The following FHIT variants were observed in gnomAD, a reference collection of about 807,000 sequenced individuals.
The protein encoded by FHIT is fragile histidine triad diadenosine triphosphatase, also known as bis(5'-adenosyl)-triphosphatase.
In FHIT, 19 loss-of-function variants were observed where a neutral mutation model predicts 17.9. The ratio of observed to expected loss-of-function variants is 1.06; its 90% CI spans 0.74 to 1.56. The LOEUF is 1.56. Among genes scored for constraint, FHIT ranks in the 40% most tolerant of loss-of-function variants. The pLI, the probability that FHIT is intolerant of heterozygous loss-of-function variation, is 0.00. For missense variants in FHIT, 248 were observed against 189.2 expected (o/e 1.31, Z -1.82); for synonymous variants, 81 against 69.7 (o/e 1.16, Z -0.81).
chr3:60,062,976 C>A (rs973151331), intron 5 of FHIT, among the ~76,000 whole-genome samples: 9 of 152,062 alleles, frequency 5.9e-5, no homozygotes, highest in Non-Finnish European at 1.3e-4. Flanking sequence ...AACTGAGGAG[C>A]AAGAAATGTT....
chr3:61,019,543 T>C (rs1159885636), intron 3 of FHIT, among the ~76,000 whole-genome samples: 1 of 152,208 alleles, frequency 6.6e-6, no homozygotes, highest in Non-Finnish European at 1.5e-5. Context: ...ACAGAGAAAA[T>C]GCTGTTTTAG....
chr3:60,521,099 T>C (rs1257092728), intron 5 of FHIT, among the ~76,000 whole-genome samples: 4 of 152,156 alleles, frequency 2.6e-5, no homozygotes, highest in Non-Finnish European at 5.9e-5. Context: ...TGCTATGTGA[T>C]GTTCACATAG....
intron 7 of FHIT, among the ~76,000 whole-genome samples, chr3:59,955,852 C>T (rs62240084): frequency 0.093 from 14,106 of 152,222 alleles, 895 homozygotes; most frequent in South Asian, 0.15. Flanking sequence ...ATCTGAATGA[C>T]GGCAATCACC....
At chr3:59,779,580 A>G (rs999832908) in intron 8 of FHIT, among the ~76,000 whole-genome samples, 1 of 152,154 alleles carries the variant, frequency 6.6e-6, no homozygotes, top group Non-Finnish European at 1.5e-5. Flanking sequence ...CATTTTTTCA[A>G]AACACCAGTT....
Position 59,889,911 on chromosome 3 carries a change from A to G in FHIT, c.348+32435T>C, listed in dbSNP as rs562321172. Among the ~76,000 whole-genome samples, 14 of 152,336 alleles carry G rather than the reference A, an allele frequency of 9.2e-5. No homozygotes were observed. In the East Asian group the frequency reaches 1.7e-3, roughly 19 times the overall value. Reference sequence around the variant, plus strand: ...CTTTTCTTTTGCGAATGATATTGTAATGAATTTTCTTCAGAGGACTTATTA... The same window carrying G: ...CTTTTCTTTTGCGAATGATATTGTAGTGAATTTTCTTCAGAGGACTTATTA... On this transcript the variant is annotated intron_variant, in intron 8 of 9. Transcript: ENST00000492590.
At chr3:60,360,708 A>C (rs575186503) in intron 5 of FHIT, among the ~76,000 whole-genome samples, 1 of 152,300 alleles carries the variant, frequency 6.6e-6, no homozygotes, top group South Asian at 2.1e-4. Context: ...ATTCAAAATC[A>C]ATATGGCCAA....
At chr3:59,900,572 C>T (rs1704281081) in intron 8 of FHIT, among the ~76,000 whole-genome samples, 1 of 152,150 alleles carries the variant, frequency 6.6e-6, no homozygotes, top group Non-Finnish European at 1.5e-5. Context: ...ATGTGTATAT[C>T]CCAAGACGGG....
At chr3:59,883,355 T>C (rs892718124) in intron 8 of FHIT, among the ~76,000 whole-genome samples, 1 of 152,210 alleles carries the variant, frequency 6.6e-6, no homozygotes, top group African/African-American at 2.4e-5. Flanking sequence ...AGAGATTTAA[T>C]GGACTTACAG....
intron 2 of FHIT, among the ~76,000 whole-genome samples, chr3:61,096,127 C>A (rs2035630540): frequency 6.6e-6 from 1 of 152,212 alleles, no homozygotes; most frequent in South Asian, 2.1e-4. Context: ...ACCCTCAGGG[C>A]TTTAAATCTT....
At chr3:59,902,470 A>G (rs1312031062) in intron 8 of FHIT, among the ~76,000 whole-genome samples, 2 of 152,114 alleles carry the variant, frequency 1.3e-5, no homozygotes, top group African/African-American at 4.8e-5. Flanking sequence ...GAAATCCCCC[A>G]TCCAAAAGAG....
At chr3:60,943,012 TAAAG>T (rs1423863141) in intron 3 of FHIT, among the ~76,000 whole-genome samples, 3 of 152,176 alleles carry the variant, frequency 2.0e-5, no homozygotes, top group Non-Finnish European at 4.4e-5. Context: ...TCCTCTGAAA[TAAAG>T]AATTAGTAAA....
intron 4 of FHIT, among the ~76,000 whole-genome samples, chr3:60,564,969 A>T (rs1044334750): frequency 6.6e-6 from 1 of 152,204 alleles, no homozygotes; most frequent in Admixed American, 6.6e-5. Context: ...CATTAAAGGA[A>T]GAATCAATCA....
At chr3:60,562,601 G>C (rs368030179) in intron 4 of FHIT, among the ~76,000 whole-genome samples, 5 of 152,230 alleles carry the variant, frequency 3.3e-5, no homozygotes, top group South Asian at 2.1e-4. Flanking sequence ...ATACCAGCCA[G>C]CACCTTAATA....
chr3:60,432,917 CT>C (rs5849363), intron 5 of FHIT, among the ~76,000 whole-genome samples: 43,219 of 148,770 alleles, frequency 0.29, 6,752 homozygotes, highest in South Asian at 0.5. Context: ...GAAGAATTGT[CT>C]TTTTTTTTTT....
chr3:60,680,578 A>G (rs2040723666), intron 4 of FHIT, among the ~76,000 whole-genome samples: 4 of 139,476 alleles, frequency 2.9e-5, no homozygotes, highest in Non-Finnish European at 4.6e-5. Context: ...TTTTTTGCCA[A>G]TGTTCATGTA....
intron 4 of FHIT, among the ~76,000 whole-genome samples, chr3:60,578,636 A>C (rs2037653161): frequency 6.6e-6 from 1 of 152,202 alleles, no homozygotes; most frequent in South Asian, 2.1e-4. Flanking sequence ...TGAGGAGGAC[A>C]TTTAAAGAAT....
intron 7 of FHIT, among the ~76,000 whole-genome samples, chr3:59,936,911 A>C (rs1440324093): frequency 1.3e-5 from 2 of 152,192 alleles, no homozygotes; most frequent in Non-Finnish European, 2.9e-5. Context: ...GCTTGTGCTA[A>C]TTCTCTTTCC....
chr3:60,255,405 G>T (rs1328112577), intron 5 of FHIT, among the ~76,000 whole-genome samples: 1 of 152,088 alleles, frequency 6.6e-6, no homozygotes, highest in Admixed American at 6.5e-5. Context: ...ATGTCTTTAG[G>T]GGCCTGGCAG....
intron 5 of FHIT, among the ~76,000 whole-genome samples, chr3:60,470,400 G>A (rs780237763): frequency 5.9e-5 from 9 of 151,964 alleles, no homozygotes; most frequent in Non-Finnish European, 1.2e-4. Flanking sequence ...CTATTCTACC[G>A]CAGCTAAGCT....
Sources: gnomAD v4.1 joint callset for allele counts (sites outside exome capture counted in the v4.1 genomes callset) on GRCh38, gnomAD v4.1.1 for gene constraint, MANE v1.5 for transcripts, NCBI Gene and HGNC (gene_info 2026-07-23, HGNC 2026-07-21) for gene names.